The following TBC1D15 variants were observed in gnomAD, a reference collection of about 807,000 sequenced individuals.
TBC1D15 encodes GAP for RAB7.
Under a neutral mutation model 95.4 loss-of-function variants are expected in TBC1D15, and 39 were observed. The observed-to-expected ratio is 0.41, with a 90% CI of 0.32 to 0.53. The LOEUF (loss-of-function observed/expected upper bound fraction) is 0.53, where lower values mean the gene tolerates loss of function less well. TBC1D15 is among the 20% of genes least tolerant of loss of function. The probability of loss-of-function intolerance (pLI) is 0.29; values close to 1 mark genes in which losing one functional copy is unlikely to be tolerated. For synonymous variants in TBC1D15, 258 were observed against 261.3 expected (o/e 0.99, Z 0.12); for missense variants, 733 against 794.3 (o/e 0.92, Z 0.93).
rs768057008 is a variant in TBC1D15 at position 71,872,943 on chromosome 12, A to G, written c.144A>G (p.Ile48Met). ...TCTTTCTCTAGGATGCCGAAGTAAT[A>G]GTGGACTGGAGACCATTGGATGATG... The part of the protein sequence containing the change: ...LRVLEKDAEV[I>M]VDWRPLDDAL... The change falls in exon 3 of 17, where the codon ATA becomes ATG. Residue 48 changes from isoleucine to methionine, a missense_variant. Physicochemically the swap from Ile to Met is conservative, Grantham distance 10. Transcript: ENST00000485960. 1 of 1,607,102 alleles carries G rather than the reference A, an allele frequency of 6.2e-7. No individual in the cohort carries two copies. Among genetic ancestry groups the G allele is most frequent in the African/African-American group, 1.3e-5 (1 of 74,848 alleles).
rs114004478 is a variant in TBC1D15, at chr12:71,895,582, C to T, written c.856-365C>T. 7.6e-3 allele frequency among the ~76,000 whole-genome samples: 1,153 copies of T among 152,132 alleles called. 19 individuals are homozygous for T. The highest frequency in any genetic ancestry group is 0.026 in the African/African-American group (1,075 of 41,548). The stretch of plus-strand genomic sequence containing the variant: ...GATTAATGGAATAATTATATATTCT[C>T]TCTTTTTAAATAATACAGCATATCA... On this transcript the variant is annotated intron_variant, in intron 7 of 16. Transcript: ENST00000485960.
chr12:71,894,306 A>G, intron 6 of TBC1D15: 1 of 1,611,604 alleles, frequency 6.2e-7, no homozygotes, highest in Non-Finnish European at 8.5e-7. Flanking sequence ...ACTTCAAGAA[A>G]TATTTTTTTT....
chr12:71,880,572 C>T lies in TBC1D15; in HGVS notation c.308C>T (p.Thr103Ile). 1 of 1,611,812 alleles carries T rather than the reference C, an allele frequency of 6.2e-7. No homozygotes were observed. Among genetic ancestry groups the T allele is most frequent in the South Asian group, 1.1e-5 (1 of 90,722 alleles). ...GAAGCAGAATGGGACATGGTTAATA[C>T]AGTTTCATTTAAAAGGAAACCACAT... is the stretch of plus-strand genomic sequence containing the variant. ...SYEAEWDMVN[T>I]VSFKRKPHTN... The change falls in exon 4 of 17, where the codon ACA becomes ATA. Residue 103 changes from threonine to isoleucine, a missense_variant. By Grantham distance (89) the Thr-to-Ile change is moderately conservative (BLOSUM62 -1). Coordinates refer to ENST00000485960, the MANE Select transcript of TBC1D15 (RefSeq NM_001146213.3).
At chr12:71,889,250 G>T in intron 5 of TBC1D15, among the ~76,000 whole-genome samples, 1 of 152,182 alleles carries the variant, frequency 6.6e-6, no homozygotes, top group East Asian at 1.9e-4. Context: ...TCTTGGGGAA[G>T]GAGATAGTGT....
intron 13 of TBC1D15, 130 bp downstream of exon 13, chr12:71,917,927 G>A: frequency 1.7e-6 from 1 of 573,868 alleles, no homozygotes; most frequent in Admixed American, 3.1e-5. Context: ...GGAAGCCAAG[G>A]AGGGAGGATT....
intron 14 of TBC1D15, 141 bp downstream of exon 14, chr12:71,918,689 T>A (rs1379350079): frequency 3.7e-6 from 2 of 534,384 alleles, no homozygotes; most frequent in East Asian, 3.3e-5. Flanking sequence ...ACTGGTAGCC[T>A]CTTCTTAAAA....
At chr12:71,906,631 C>CTTTTTTTTTTT (rs79739174) in intron 10 of TBC1D15, among the ~76,000 whole-genome samples, 1 of 142,094 alleles carries the variant, frequency 7.0e-6, no homozygotes, top group African/African-American at 2.5e-5. Context: ...TAGGTGGTAG[C>CTTTTTTTTTTT]TTTTTTTTTT....
At chr12:71,875,020 A>C (rs943481217) in intron 3 of TBC1D15, among the ~76,000 whole-genome samples, 1 of 149,876 alleles carries the variant, frequency 6.7e-6, no homozygotes, top group African/African-American at 2.5e-5. Flanking sequence ...GCTCACTGCA[A>C]CCTCCGCCTC....
chr12:71,867,165 T>C (rs916003841), intron 1 of TBC1D15, among the ~76,000 whole-genome samples: 15 of 152,260 alleles, frequency 9.9e-5, no homozygotes, highest in Non-Finnish European at 2.1e-4. Flanking sequence ...CATTGGTTTA[T>C]AAATGTAGAC....
intron 12 of TBC1D15, among the ~76,000 whole-genome samples, chr12:71,916,036 G>T (rs1013655249): frequency 6.6e-6 from 1 of 152,118 alleles, no homozygotes; most frequent in Non-Finnish European, 1.5e-5. Context: ...TGCATCTAAT[G>T]TAGGTCTAGG....
At chr12:71,893,019 G>A (rs1331672317) in intron 5 of TBC1D15, among the ~76,000 whole-genome samples, 5 of 150,084 alleles carry the variant, frequency 3.3e-5, no homozygotes, top group African/African-American at 1.2e-4. Flanking sequence ...TTTAGTATTT[G>A]TTAATTTTGT....
intron 1 of TBC1D15, among the ~76,000 whole-genome samples, chr12:71,852,673 T>TCAAGTTC (rs1565946152): frequency 6.6e-6 from 1 of 152,218 alleles, no homozygotes; most frequent in Non-Finnish European, 1.5e-5. Context: ...ATCATCCATC[T>TCAAGTTC]CAAGTTCCAA....
At chr12:71,907,248 A>G (rs1592809296) in intron 11 of TBC1D15, 110 bp downstream of exon 11, 1 of 626,640 alleles carries the variant, frequency 1.6e-6, no homozygotes, top group Admixed American at 3.5e-5. Flanking sequence ...TAGTTTTAAG[A>G]GAATTTGTTC....
intron 14 of TBC1D15, among the ~76,000 whole-genome samples, chr12:71,919,573 A>G (rs1868449315): frequency 1.3e-5 from 2 of 152,192 alleles, no homozygotes; most frequent in South Asian, 4.1e-4. Context: ...ACAAGTTAAA[A>G]GTGGATTACT....
intron 8 of TBC1D15, chr12:71,896,446 CTA>C (rs1898189379): frequency 3.9e-6 from 1 of 257,596 alleles, no homozygotes; most frequent in African/African-American, 1.1e-4. Flanking sequence ...CTGCTGTAGT[CTA>C]CTGTATTCTG....
intron 7 of TBC1D15, 24 bp from the exon 8 acceptor site, chr12:71,895,920 CTTA>C: frequency 3.7e-6 from 6 of 1,603,780 alleles, no homozygotes; most frequent in Non-Finnish European, 5.1e-6. Context: ...TAAATATGTA[CTTA>C]TTATTGCTTA....
Position 71,917,706 on chromosome 12 carries a change from T to G in TBC1D15, c.1410T>G (p.Asn470Lys). The change falls in exon 13 of 17, where the codon AAT becomes AAG. Residue 470 changes from asparagine to lysine, a missense_variant. Coordinates refer to ENST00000485960, the MANE Select transcript of TBC1D15 (RefSeq NM_001146213.3). ...FASYMDQMHQ[N>K]FEEQMQGMKT... ...ATTATTTCCTTTTAAAGCATCAGAA[T>G]TTTGAAGAACAAATGCAAGGCATGA... The G allele has an allele frequency of 1.2e-6, 2 of 1,607,444 alleles. No individual in the cohort carries two copies. Among genetic ancestry groups the G allele is most frequent in the Non-Finnish European group, 1.7e-6 (2 of 1,175,228 alleles).
Position 71,850,091 on chromosome 12 carries a change from A to G in TBC1D15, c.30+10280A>G, listed in dbSNP as rs1295041942. On this transcript the variant is annotated intron_variant, in intron 1 of 16. Coordinates refer to ENST00000485960, the MANE Select transcript of TBC1D15 (RefSeq NM_001146213.3). ...TGTGAGTTTAAATTATGATAATCTA[A>G]TATCAGAAGACACTCTGGAGTTATC... is the stretch of plus-strand genomic sequence containing the variant. 18 of 517,032 alleles carry G rather than the reference A, an allele frequency of 3.5e-5. No homozygotes were observed. The East Asian group carries it at 6.8e-4, about 20-fold the overall frequency. The allele number at this position is 517,032 out of a possible 1,614,324, so 32.0% of individuals were successfully genotyped here.
chr12:71,849,665 C>T (rs1003034117), intron 1 of TBC1D15: 1 of 563,212 alleles, frequency 1.8e-6, no homozygotes, highest in Non-Finnish European at 3.4e-6. Flanking sequence ...AGTTTTCCAT[C>T]AGCAACTCTA....
Sources: gnomAD v4.1 joint callset for allele counts (sites outside exome capture counted in the v4.1 genomes callset) on GRCh38, gnomAD v4.1.1 for gene constraint, MANE v1.5 for transcripts, NCBI Gene and HGNC (gene_info 2026-07-23, HGNC 2026-07-21) for gene names.